The following ENPP2 variants were observed in gnomAD, a reference collection of about 807,000 sequenced individuals.
The protein encoded by ENPP2 is autotaxin.
Under a neutral mutation model 120.2 loss-of-function variants are expected in ENPP2, and 51 were observed. The observed-to-expected ratio is 0.42, with a 90% CI of 0.34 to 0.54. The LOEUF is 0.54. ENPP2 is among the 20% of genes least tolerant of loss of function. The pLI is 0.04. For synonymous variants in ENPP2, 365 were observed against 366.4 expected, an observed-to-expected ratio of 1.00 and a Z score of 0.04; for missense variants, 920 against 1,066.5, an observed-to-expected ratio of 0.86 and a Z score of 1.91.
At chr8:119,569,742 C>CTGTGTGTGTGTGTGTGTG (rs55992622) in intron 20 of ENPP2, among the ~76,000 whole-genome samples, 54 of 146,412 alleles carry the variant, frequency 3.7e-4, no homozygotes, top group African/African-American at 9.6e-4. Context: ...GACTATTTAT[C>CTGTGTGTGTGTGTGTGTG]TGTGTGTGTG....
chr8:119,565,035 T>C, intron 22 of ENPP2, 80 bp from the exon 23 acceptor site: 1 of 1,263,042 alleles, frequency 7.9e-7, no homozygotes, highest in South Asian at 1.3e-5. Flanking sequence ...CTAGGATGCA[T>C]GCTACGAGCC....
At chr8:119,645,278 C>T (rs1033674693) in intron 1 of ENPP2, among the ~76,000 whole-genome samples, 1 of 152,304 alleles carries the variant, frequency 6.6e-6, no homozygotes, top group African/African-American at 2.4e-5. Context: ...ACGTCCAAAA[C>T]GCAGCTACCT....
chr8:119,668,990 C>T (rs1587598764), intron 1 of ENPP2, among the ~76,000 whole-genome samples: 1 of 152,258 alleles, frequency 6.6e-6, no homozygotes, highest in East Asian at 1.9e-4. Flanking sequence ...CTTTTTATAT[C>T]CATCTCTGCA....
intron 2 of ENPP2, among the ~76,000 whole-genome samples, chr8:119,636,705 A>G (rs1817018874): frequency 6.6e-6 from 1 of 152,180 alleles, no homozygotes; most frequent in South Asian, 2.1e-4. Flanking sequence ...AGACTAATAA[A>G]TCCAATCTAT....
At chr8:119,649,772 A>G (rs115898929) in intron 1 of ENPP2, among the ~76,000 whole-genome samples, 24 of 152,346 alleles carry the variant, frequency 1.6e-4, no homozygotes, top group African/African-American at 5.8e-4. Context: ...CATTTCTCCA[A>G]AGAAGATACA....
chr8:119,580,062 C>T lies in ENPP2; in HGVS notation c.1780+54G>A, dbSNP rs200107756. On this transcript the variant is annotated intron_variant, in intron 19 of 24. Transcript: ENST00000075322. ...CTATAATGTAAATAAGAAGCCTTTT[C>T]GATTTTCGAAAACGAGAAAAACCTT... is the stretch of plus-strand genomic sequence containing the variant. The T allele has an allele frequency of 3.5e-3, 4,352 of 1,255,874 alleles. 78 individuals carry two copies. The highest frequency in any genetic ancestry group is 0.031 in the South Asian group (2,502 of 81,476). The allele number at this position is 1,255,874 out of a possible 1,614,324, so 77.8% of individuals were successfully genotyped here. A position where few individuals can be genotyped will look rare whatever the true frequency, so the allele number is the denominator to read the frequency against.
chr8:119,558,957 G>C (rs1813700118), intron 24 of ENPP2, among the ~76,000 whole-genome samples: 1 of 152,212 alleles, frequency 6.6e-6, no homozygotes, highest in African/African-American at 2.4e-5. Flanking sequence ...AACTGCAGCA[G>C]CTTGTGCCAG....
intron 1 of ENPP2, among the ~76,000 whole-genome samples, chr8:119,656,135 CT>C (rs1345711824): frequency 6.6e-6 from 1 of 152,144 alleles, no homozygotes; most frequent in Non-Finnish European, 1.5e-5. Context: ...AGCCTATGGC[CT>C]CATGTAATAA....
At chr8:119,666,381 C>G (rs1029190124) in intron 1 of ENPP2, among the ~76,000 whole-genome samples, 2 of 151,988 alleles carry the variant, frequency 1.3e-5, no homozygotes, top group African/African-American at 4.8e-5. Flanking sequence ...ATCTTAGTAT[C>G]TTACTCCTAG....
intron 8 of ENPP2, among the ~76,000 whole-genome samples, chr8:119,614,880 C>T (rs1815353931): frequency 2.0e-5 from 3 of 152,142 alleles, no homozygotes; most frequent in African/African-American, 7.2e-5. Flanking sequence ...CCATTATGGA[C>T]TTCTGGGAGT....
chr8:119,562,787 G>C lies in ENPP2; in HGVS notation c.2421+70C>G, dbSNP rs13266547. The C allele has an allele frequency of 7.2e-3, 10,054 of 1,404,658 alleles. 57 individuals are homozygous for C. Among genetic ancestry groups the C allele is most frequent in the Non-Finnish European group, 8.5e-3 (8,536 of 1,006,688 alleles). 87.0% of individuals were successfully genotyped at this position (1,404,658 alleles called of 1,614,324 possible). A position where few individuals can be genotyped will look rare whatever the true frequency, so the allele number is the denominator to read the frequency against. On this transcript the variant is annotated intron_variant, in intron 24 of 24. Transcript: ENST00000075322. ...AATAAGTATGTTCTAGTTCAATGATGGAAATATAAAGTAAGAAACGAAGGT... is the reference window on the plus strand; with the variant it reads ...AATAAGTATGTTCTAGTTCAATGATCGAAATATAAAGTAAGAAACGAAGGT...
intron 3 of ENPP2, among the ~76,000 whole-genome samples, chr8:119,624,030 C>G (rs2130759134): frequency 6.6e-6 from 1 of 152,280 alleles, no homozygotes; most frequent in South Asian, 2.1e-4. Flanking sequence ...GATGAGCAAT[C>G]TTCTAAGGTT....
intron 1 of ENPP2, among the ~76,000 whole-genome samples, chr8:119,651,626 G>C (rs1817629880): frequency 6.6e-6 from 1 of 152,194 alleles, no homozygotes; most frequent in Non-Finnish European, 1.5e-5. Flanking sequence ...GTAAATGTTT[G>C]ATGAGTCTTG....
rs574667260 is a variant in ENPP2, at chr8:119,613,158, C to G, written c.777+3107G>C. ...TAGCAGAGAGAATTTCCAAAGAAAC[C>G]AACCCACTTAAGGAACTCCATTAAA... On this transcript the variant is annotated intron_variant, in intron 8 of 24. Coordinates refer to ENST00000075322, the MANE Select transcript of ENPP2 (RefSeq NM_001040092.3). 2.0e-5 allele frequency among the ~76,000 whole-genome samples: 3 copies of G among 152,146 alleles called. No homozygotes were observed. In the South Asian group the frequency reaches 6.2e-4, roughly 32 times the overall value.
Position 119,557,499 on chromosome 8 carries a change from T to C in ENPP2, c.*22A>G, listed in dbSNP as rs1813557031. The C allele has an allele frequency of 6.3e-7, 1 of 1,581,020 alleles. No homozygotes were observed. Among genetic ancestry groups the C allele is most frequent in the Admixed American group, 1.7e-5 (1 of 57,220 alleles). On this transcript the variant is annotated 3_prime_UTR_variant, in exon 25 of 25. Transcript: ENST00000075322. ...AAAATATACAACCAGTTGATAAGACTGTACTGCAGATGCTCAGAAAGTTAA... is the reference window on the plus strand; with the variant it reads ...AAAATATACAACCAGTTGATAAGACCGTACTGCAGATGCTCAGAAAGTTAA...
Position 119,644,377 on chromosome 8 carries a change from G to A in ENPP2, c.22-5850C>T, listed in dbSNP as rs188544547. 3.8e-3 allele frequency among the ~76,000 whole-genome samples: 577 copies of A among 151,598 alleles called. 4 individuals are homozygous for A. The highest frequency in any genetic ancestry group is 0.013 in the African/African-American group (540 of 41,360). The stretch of plus-strand genomic sequence containing the variant: ...ACTGGATATGGGAGTTGAGGGGCAG[G>A]AAGGTATTAAGTATGACTCCTGAAT... On this transcript the variant is annotated intron_variant, in intron 1 of 25. Coordinates refer to the ENPP2 transcript ENST00000427067.
At chr8:119,580,253 C>T (rs1812640411) in intron 18 of ENPP2, 86 bp from the exon 19 acceptor site, 1 of 1,016,234 alleles carries the variant, frequency 9.8e-7, no homozygotes, top group South Asian at 1.3e-5. Context: ...ACTTAGCACC[C>T]TGCTAAATTC....
At chr8:119,595,707 T>C in intron 11 of ENPP2, 1 of 747,470 alleles carries the variant, frequency 1.3e-6, no homozygotes, top group Non-Finnish European at 2.3e-6. Context: ...AAGTACCACA[T>C]TCTTCTGGAC....
intron 2 of ENPP2, among the ~76,000 whole-genome samples, chr8:119,630,362 C>T (rs1449821516): frequency 6.6e-6 from 1 of 152,180 alleles, no homozygotes; most frequent in East Asian, 1.9e-4. Context: ...CCTACTTTGG[C>T]CTTCCAAAGT....
Sources: allele counts gnomAD v4.1 joint callset (sites outside exome capture counted in the v4.1 genomes callset), GRCh38; gene constraint gnomAD v4.1.1; transcripts MANE v1.5; gene names NCBI Gene and HGNC (gene_info 2026-07-23, HGNC 2026-07-21).